Variants in ADGRV1 observed in about 807,000 individuals in gnomAD.
ADGRV1 encodes G-protein coupled receptor 98.
A neutral mutation model predicts 596.2 loss-of-function variants in ADGRV1; 359 were observed. The ratio of observed to expected loss-of-function variants is 0.60; its 90% CI spans 0.55 to 0.66. The LOEUF is 0.66. ADGRV1 is among the 30% of genes least tolerant of loss of function. The pLI is 0.00. For missense variants in ADGRV1, 7,274 were observed against 7,575.6 expected (o/e 0.96, Z 1.48); for synonymous variants, 2,681 against 2,679.2 (o/e 1.00, Z -0.02).
intron 1 of ADGRV1, among the ~76,000 whole-genome samples, chr5:90,605,137 T>G (rs1352308852): frequency 6.6e-6 from 1 of 152,166 alleles, no homozygotes; most frequent in Non-Finnish European, 1.5e-5. Context: ...GAAGTTCAGT[T>G]ACATGAGTTA....
At chr5:90,627,874 T>C in intron 7 of ADGRV1, 98 bp downstream of exon 7, 1 of 682,680 alleles carries the variant, frequency 1.5e-6, no homozygotes, top group Non-Finnish European at 2.3e-6. Context: ...TGTTAGAATA[T>C]GTGTCATTTT....
intron 76 of ADGRV1, among the ~76,000 whole-genome samples, chr5:90,824,515 C>G (rs1054912895): frequency 6.6e-6 from 1 of 152,204 alleles, no homozygotes; most frequent in Non-Finnish European, 1.5e-5. Flanking sequence ...AATCCCCACT[C>G]TTTTTCGTAG....
At chr5:90,756,356 A>G in intron 55 of ADGRV1, 98 bp from the exon 56 acceptor site, 1 of 803,148 alleles carries the variant, frequency 1.2e-6, no homozygotes, top group Non-Finnish European at 1.9e-6. Flanking sequence ...TCCTGTGAAC[A>G]AAGTCAATTA....
chr5:91,140,355 A>C (rs1227846732), intron 87 of ADGRV1, among the ~76,000 whole-genome samples: 3 of 152,204 alleles, frequency 2.0e-5, no homozygotes, highest in Non-Finnish European at 4.4e-5. Context: ...TGAGAAAGAT[A>C]TCTGAATGCT....
At position 90,694,589 on chromosome 5, in the gene ADGRV1, C is replaced by G; in HGVS notation, c.7833C>G (p.His2611Gln). 1 of 1,613,844 alleles carries G rather than the reference C, an allele frequency of 6.2e-7. No homozygotes were observed. Among genetic ancestry groups the G allele is most frequent in the Non-Finnish European group, 8.5e-7 (1 of 1,179,808 alleles). ...AAACCTTGGTGGAGCTGATGATACA[C>G]AGGACAGGGGGCAGCTTAGGTCAAG... ...QPQTLVELMI[H>Q]RTGGSLGQVA... Residue 2611 changes from histidine (H) to glutamine (Q), a missense_variant, in exon 33 of 90, where the codon CAC (histidine) becomes CAG (glutamine). Physicochemically the swap from His to Gln is conservative, Grantham distance 24. This residue lies in a region of ADGRV1 where 3,643 missense variants were observed against 3,809.2 expected (regional missense o/e 0.96). Coordinates refer to ENST00000405460, the MANE Select transcript of ADGRV1 (RefSeq NM_032119.4).
intron 88 of ADGRV1, 122 bp downstream of exon 88, chr5:91,150,343 A>G: frequency 1.4e-6 from 1 of 703,470 alleles, no homozygotes; most frequent in South Asian, 3.7e-5. Context: ...TAAAGAGTAC[A>G]AGATGAATCA....
chr5:91,099,278 A>AC (rs1344578058), intron 86 of ADGRV1, among the ~76,000 whole-genome samples: 1 of 152,044 alleles, frequency 6.6e-6, no homozygotes, highest in African/African-American at 2.4e-5. Flanking sequence ...AAAAAAAAAA[A>AC]AAGTGTTCGG....
In ADGRV1 at chr5:90,679,683, C is replaced by T. The variant is rs1163334463; in HGVS notation, c.5524+54C>T. The T allele has an allele frequency of 3.2e-6, 4 of 1,238,870 alleles. No homozygotes were observed. In the East Asian group the frequency reaches 7.2e-5, roughly 22 times the overall value. 76.7% of individuals were successfully genotyped at this position (1,238,870 alleles called of 1,614,324 possible). On this transcript the variant is annotated intron_variant, in intron 26 of 89. Coordinates refer to ENST00000405460, the MANE Select transcript of ADGRV1 (RefSeq NM_032119.4). ...ATTATAGGTTTTTATTTTAACTTCT[C>T]ATTTTAGAGACAATACTAACCACTT... is the stretch of plus-strand genomic sequence containing the variant.
At chr5:90,815,387 GA>G (rs1762797595) in intron 74 of ADGRV1, among the ~76,000 whole-genome samples, 1 of 152,116 alleles carries the variant, frequency 6.6e-6, no homozygotes, top group African/African-American at 2.4e-5. Flanking sequence ...GTGTCAGGGG[GA>G]AAGAGTGGGA....
At position 90,572,637 on chromosome 5, in the gene ADGRV1, C is replaced by T. The variant is rs542253797; in HGVS notation, c.22+13720C>T. 3.0e-4 allele frequency among the ~76,000 whole-genome samples: 45 copies of T among 152,268 alleles called. 2 individuals are homozygous for T. The South Asian group carries it at 6.8e-3, about 23-fold the overall frequency. ...ATAAATGTGCACACATGCTCACACA[C>T]GCACACGCACGTGCACACACACATG... On this transcript the variant is annotated intron_variant, in intron 1 of 89. Transcript: ENST00000405460.
intron 83 of ADGRV1, among the ~76,000 whole-genome samples, chr5:90,940,908 T>C (rs1776117226): frequency 6.6e-6 from 1 of 152,192 alleles, no homozygotes; most frequent in Admixed American, 6.5e-5. Context: ...CCTAATGTTT[T>C]CACAAACTTC....
At chr5:91,091,453 T>A (rs1790378164) in intron 86 of ADGRV1, among the ~76,000 whole-genome samples, 2 of 152,224 alleles carry the variant, frequency 1.3e-5, no homozygotes, top group Non-Finnish European at 2.9e-5. Flanking sequence ...GCCAGTCCCA[T>A]AGGCCTTTTT....
intron 1 of ADGRV1, among the ~76,000 whole-genome samples, chr5:90,595,823 T>G (rs866034372): frequency 2.4e-4 from 34 of 142,710 alleles, no homozygotes; most frequent in Admixed American, 8.2e-4. Context: ...ACGGGGCAGC[T>G]GGCCGGGTGG....
chr5:90,775,899 A>G lies in ADGRV1; in HGVS notation c.12404-554A>G, dbSNP rs1441476189. Among the ~76,000 whole-genome samples the G allele has an allele frequency of 2.6e-5, 4 of 152,234 alleles. No individual in the cohort carries two copies. The East Asian group carries it at 7.7e-4, about 29-fold the overall frequency. On this transcript the variant is annotated intron_variant, in intron 60 of 89. Transcript: ENST00000405460. The stretch of plus-strand genomic sequence containing the variant: ...GCTCTTTGTGTCATGAACCCCTAAT[A>G]TGTGTTTCTGGAAACAATTTTCTTT...
chr5:90,653,647 C>A lies in ADGRV1; in HGVS notation c.4073C>A (p.Ser1358Ter). 6.2e-7 allele frequency: 1 copy of A among 1,613,368 alleles called. No homozygotes were observed. Among genetic ancestry groups the A allele is most frequent in the Non-Finnish European group, 8.5e-7 (1 of 1,179,658 alleles). ...RNNTIANFTF[S>*]AWVMPNANTN... ...AATACAATTGCCAACTTTACATTCT[C>A]AGCTTGGGTAATGCCCAATGCCAAT... Residue 1358 changes from serine (S) to a stop codon, truncating the protein, a stop_gained, in exon 20 of 90, where the codon TCA becomes TAA. Transcript: ENST00000405460. LOFTEE classifies it high-confidence loss of function.
intron 86 of ADGRV1, among the ~76,000 whole-genome samples, chr5:91,092,327 G>T (rs1206501670): frequency 6.6e-6 from 1 of 152,106 alleles, no homozygotes; most frequent in East Asian, 1.9e-4. Flanking sequence ...TCGAACTCCT[G>T]ACCTCAGGTG....
At chr5:90,645,160 G>A (rs2149437733) in intron 15 of ADGRV1, among the ~76,000 whole-genome samples, 1 of 152,314 alleles carries the variant, frequency 6.6e-6, no homozygotes, top group East Asian at 1.9e-4. Flanking sequence ...TCCCTTTGAA[G>A]GCAAGGTCAT....
intron 1 of ADGRV1, among the ~76,000 whole-genome samples, chr5:90,606,543 A>G (rs1445316447): frequency 6.6e-6 from 1 of 152,210 alleles, no homozygotes; most frequent in Non-Finnish European, 1.5e-5. Flanking sequence ...GAGGAATATT[A>G]GGCTTCCAGG....
chr5:91,030,409 T>A (rs1216499992), intron 85 of ADGRV1, among the ~76,000 whole-genome samples: 1 of 152,140 alleles, frequency 6.6e-6, no homozygotes, highest in African/African-American at 2.4e-5. Context: ...TGGTACAGTT[T>A]TTTTAAGATG....
Sources: allele counts gnomAD v4.1 joint callset (sites outside exome capture counted in the v4.1 genomes callset), GRCh38; gene constraint gnomAD v4.1.1; regional missense constraint gnomAD v4.1.1; transcripts MANE v1.5; gene names NCBI Gene and HGNC (gene_info 2026-07-23, HGNC 2026-07-21).